The following UVSSA variants were observed in gnomAD, a reference collection of about 807,000 sequenced individuals.
The protein encoded by UVSSA is UV stimulated scaffold protein A, also known as UV-stimulated scaffold protein A.
A neutral mutation model predicts 73.9 loss-of-function variants in UVSSA; 72 were observed. That is an observed-to-expected ratio of 0.97 (90% CI 0.81 to 1.19). The LOEUF is 1.19. Ranked by LOEUF, UVSSA falls within the 50% of genes most tolerant of loss-of-function variation. UVSSA has a pLI of 0.00. For synonymous variants in UVSSA, 454 were observed against 391.3 expected, an observed-to-expected ratio of 1.16 and a Z score of -1.89; for missense variants, 1,150 against 965.0, an observed-to-expected ratio of 1.19 and a Z score of -2.54.
Position 1,348,173 on chromosome 4 carries a change from C to A in UVSSA, c.82C>A (p.Leu28Met), listed in dbSNP as rs769684519. The change falls in exon 2 of 14, where the codon CTG becomes ATG. Residue 28 changes from leucine to methionine, a missense_variant. Coordinates refer to ENST00000389851, the MANE Select transcript of UVSSA (RefSeq NM_020894.4). ...ACTAAATCCTGAGAAAATGAAGGAA[C>A]TGAAGAAAATTTGCAAGTATGTCTT... is the stretch of plus-strand genomic sequence containing the variant. ...PRLNPEKMKE[L>M]KKICKSSEEQ... 14 of 1,613,728 alleles carry A rather than the reference C, an allele frequency of 8.7e-6. No homozygotes were observed. The Middle Eastern group carries it at 1.3e-3, about 152-fold the overall frequency.
chr4:1,379,755 TCACGTGGCGTCAG>T (rs1560481420), intron 10 of UVSSA, among the ~76,000 whole-genome samples: 1 of 148,778 alleles, frequency 6.7e-6, no homozygotes, highest in Non-Finnish European at 1.5e-5. Flanking sequence ...CGCGGCTGGT[TCACGTGGCGTCAG>T]AATTCAGACG....
At chr4:1,367,123 A>G (rs1417345172) in intron 8 of UVSSA, among the ~76,000 whole-genome samples, 1 of 152,210 alleles carries the variant, frequency 6.6e-6, no homozygotes, top group Non-Finnish European at 1.5e-5. Flanking sequence ...CTCCACGGCA[A>G]GGGGCTCTTC....
At position 1,380,047 on chromosome 4, in the gene UVSSA, G is replaced by A. The variant is rs1294469998; in HGVS notation, c.1569G>A (p.Lys523=). ...QELPTAGKIV[K]SDSQHRFWKP... ...TGAGGGCCTCTGGCTGTGTCTGCAG[G>A]TCTGACTCCCAGCACCGCTTCTGGA... The change falls in exon 11 of 14, where the codon AAG becomes AAA. Residue 523 remains lysine, a splice_region_variant and synonymous_variant. Transcript: ENST00000389851. 1 of 1,601,960 alleles carries A rather than the reference G, an allele frequency of 6.2e-7. No homozygotes were observed. Among genetic ancestry groups the A allele is most frequent in the African/African-American group, 1.3e-5 (1 of 74,800 alleles).
chr4:1,355,070 G>C (rs781612106), intron 6 of UVSSA, 47 bp from the exon 7 acceptor site: 2 of 1,602,896 alleles, frequency 1.2e-6, no homozygotes, highest in Admixed American at 3.4e-5. Flanking sequence ...CAGCTTCCCA[G>C]GTCCTGCCCG....
At position 1,366,439 on chromosome 4, in the gene UVSSA, G is replaced by A; in HGVS notation, c.1288+8G>A. 1.9e-6 allele frequency: 3 copies of A among 1,593,642 alleles called. No homozygotes were observed. The highest frequency in any genetic ancestry group is 1.8e-5 in the Admixed American group (1 of 57,134). On this transcript the variant is annotated splice_region_variant and intron_variant, in intron 8 of 13. Transcript: ENST00000389851. ...ACTTGCGGCCTGAGTATGGTGAGCAGTGGGTCCCGTGGGGGGGGCACCTGG... is the reference window on the plus strand; with the variant it reads ...ACTTGCGGCCTGAGTATGGTGAGCAATGGGTCCCGTGGGGGGGGCACCTGG...
chr4:1,347,062 G>A (rs2109039038), upstream of UVSSA, among the ~76,000 whole-genome samples: 1 of 152,262 alleles, frequency 6.6e-6, no homozygotes, highest in Admixed American at 6.5e-5. Context: ...TGGGGCAACG[G>A]CGAGAAAGGC....
chr4:1,375,954 T>C, intron 9 of UVSSA, 80 bp from the exon 10 acceptor site: 1 of 1,537,760 alleles, frequency 6.5e-7, no homozygotes, highest in East Asian at 2.4e-5. Context: ...CCAGCCTTGC[T>C]GTGGGGGTGG....
At chr4:1,346,912 C>T (rs920310698), upstream of UVSSA, among the ~76,000 whole-genome samples, 1 of 152,382 alleles carries the variant, frequency 6.6e-6, no homozygotes, top group East Asian at 1.9e-4. Flanking sequence ...GGCAGCCTGC[C>T]TCGCCCTCGC....
chr4:1,392,251 A>T (rs949474271), downstream of UVSSA: 2 of 152,184 alleles, frequency 1.3e-5, no homozygotes, highest in African/African-American at 2.4e-5. Flanking sequence ...TATAAATGCT[A>T]CCTTTTAGAT....
At chr4:1,388,382 G>A (rs1050880126), downstream of UVSSA, 4 of 152,152 alleles carry the variant, frequency 2.6e-5, no homozygotes, top group African/African-American at 9.7e-5. Context: ...TTAGTTGTAT[G>A]TTCCCTAAGA....
At chr4:1,381,053 G>A (rs576926762) in intron 12 of UVSSA, 65 bp downstream of exon 12, 10 of 1,464,650 alleles carry the variant, frequency 6.8e-6, no homozygotes, top group African/African-American at 4.2e-5. Flanking sequence ...CTAGTGGCCC[G>A]GGGTGTGTCT....
downstream of UVSSA, chr4:1,388,904 G>T (rs1256660225): frequency 6.6e-6 from 1 of 152,162 alleles, no homozygotes; most frequent in Non-Finnish European, 1.5e-5. Flanking sequence ...TAGTCTTTTT[G>T]TGATGTCTTT....
intron 10 of UVSSA, among the ~76,000 whole-genome samples, chr4:1,377,605 C>T (rs1041004750): frequency 1.3e-5 from 2 of 152,196 alleles, no homozygotes; most frequent in Admixed American, 6.5e-5. Context: ...AGCGGATGCC[C>T]GTCCCTCCTC....
Position 1,354,842 on chromosome 4 carries a change from A to G in UVSSA, c.1042A>G (p.Ile348Val). ...NKFLPAVCSW[I>V]QRFTRVGTHG... The stretch of plus-strand genomic sequence containing the variant: ...GTTCCTGCCGGCTGTGTGCTCGTGG[A>G]TCCAGGTGAGCCTCGAACCTGGGAC... Residue 348 changes from isoleucine (I) to valine (V), a missense_variant, in exon 6 of 14, where the codon ATC becomes GTC. Transcript: ENST00000389851. 1 of 1,601,622 alleles carries G rather than the reference A, an allele frequency of 6.2e-7. No individual in the cohort carries two copies. Among genetic ancestry groups the G allele is most frequent in the Non-Finnish European group, 8.5e-7 (1 of 1,173,168 alleles).
intron 8 of UVSSA, among the ~76,000 whole-genome samples, chr4:1,370,099 C>T (rs1195204500): frequency 2.0e-5 from 3 of 152,110 alleles, no homozygotes; most frequent in Non-Finnish European, 2.9e-5. Context: ...CTTTAACACG[C>T]TTACCCATCT....
At chr4:1,348,938 A>G (rs939250547) in intron 2 of UVSSA, among the ~76,000 whole-genome samples, 1 of 151,864 alleles carries the variant, frequency 6.6e-6, no homozygotes, top group African/African-American at 2.4e-5. Flanking sequence ...CCCAGCTGAA[A>G]CAGTGTGCGT....
At chr4:1,354,968 C>G in intron 6 of UVSSA, 121 bp downstream of exon 6, 6 of 1,527,906 alleles carry the variant, frequency 3.9e-6, no homozygotes, top group Non-Finnish European at 2.6e-6. Context: ...CCCGCGAGGG[C>G]TCTGTCCCTC....
At chr4:1,377,620 C>T (rs1718935556) in intron 10 of UVSSA, among the ~76,000 whole-genome samples, 1 of 152,186 alleles carries the variant, frequency 6.6e-6, no homozygotes, top group African/African-American at 2.4e-5. Flanking sequence ...CTCCTCCCAC[C>T]TGCCTGGCCC....
chr4:1,346,463 C>A (rs370851628), upstream of UVSSA, among the ~76,000 whole-genome samples: 12 of 152,230 alleles, frequency 7.9e-5, no homozygotes, highest in South Asian at 4.1e-4. Flanking sequence ...CACTCCCCTG[C>A]GTTCGAGGCT....
Sources: allele counts gnomAD v4.1 joint callset (sites outside exome capture counted in the v4.1 genomes callset), GRCh38; gene constraint gnomAD v4.1.1; transcripts MANE v1.5; gene names NCBI Gene and HGNC (gene_info 2026-07-23, HGNC 2026-07-21).